SNAPC5: variants seen among roughly 807,000 people sequenced by gnomAD.
The protein encoded by SNAPC5 is small nuclear RNA activating complex polypeptide 5.
SNAPC5 carries 12 observed loss-of-function variants against 9.1 expected under a neutral mutation model. The ratio of observed to expected loss-of-function variants is 1.32; its 90% CI spans 0.85 to 2.15. The LOEUF is 2.15. SNAPC5 is among the 30% of genes most tolerant of loss of function. The pLI, the probability that SNAPC5 is intolerant of heterozygous loss-of-function variation, is 0.00. For synonymous variants in SNAPC5, 52 were observed against 47.3 expected, an observed-to-expected ratio of 1.10 and a Z score of -0.41; for missense variants, 132 against 114.4, an observed-to-expected ratio of 1.15 and a Z score of -0.70.
downstream of SNAPC5, among the ~76,000 whole-genome samples, chr15:66,492,536 CTG>C (rs756825450): frequency 4.3e-4 from 41 of 95,234 alleles, no homozygotes; most frequent in Admixed American, 1.9e-3. Flanking sequence ...AACATTTACA[CTG>C]TGTGTCTTTT....
At chr15:66,492,689 AT>A (rs879621929), downstream of SNAPC5, among the ~76,000 whole-genome samples, 630 of 147,526 alleles carry the variant, frequency 4.3e-3, 3 homozygotes, top group African/African-American at 0.013. Context: ...GGGTGTTTAG[AT>A]TTTTTTTTTT....
intron 1 of SNAPC5, among the ~76,000 whole-genome samples, chr15:66,497,190 G>A (rs1008473837): frequency 6.6e-6 from 1 of 152,158 alleles, no homozygotes; most frequent in African/African-American, 2.4e-5. Context: ...TTGGTAGCAT[G>A]GGAGGATCTA....
chr15:66,495,867 A>C (rs1893413281), intron 1 of SNAPC5, among the ~76,000 whole-genome samples: 1 of 152,378 alleles, frequency 6.6e-6, no homozygotes, highest in South Asian at 2.1e-4. Context: ...CAATACACTC[A>C]TTAAGTACTT....
chr15:66,496,733 G>A (rs889885472), intron 1 of SNAPC5, among the ~76,000 whole-genome samples: 10 of 152,078 alleles, frequency 6.6e-5, no homozygotes, highest in African/African-American at 2.2e-4. Flanking sequence ...GCTCACGCCT[G>A]TAATCTCAGC....
chr15:66,497,684 C>T lies in SNAPC5; in HGVS notation c.48G>A (p.Leu16=), dbSNP rs1567032368. The change falls in exon 1 of 3, where the codon CTG becomes CTA. Residue 16 remains leucine (L), a synonymous_variant. Coordinates refer to ENST00000316634, the MANE Select transcript of SNAPC5 (RefSeq NM_001329615.2). ...GGTCGTGCAGGGCTGCCTTCAACCG[C>T]AGCAGCGTCTCCTCCTCCTTGCGCA... is the stretch of plus-strand genomic sequence containing the variant. The part of the protein sequence containing the change: ...QELRKEEETL[L]RLKAALHDQL... The T allele has an allele frequency of 3.7e-6, 6 of 1,613,958 alleles. No individual in the cohort carries two copies. The highest frequency in any genetic ancestry group is 1.7e-4 in the Middle Eastern group (1 of 5,886).
downstream of SNAPC5, chr15:66,489,999 G>A (rs945416109): frequency 5.8e-5 from 35 of 599,402 alleles, no homozygotes; most frequent in Non-Finnish European, 8.9e-5. Flanking sequence ...GCCTGAGGGG[G>A]CCATGGGAAA....
At chr15:66,491,205 G>C (rs568999981), downstream of SNAPC5, 6 of 258,920 alleles carry the variant, frequency 2.3e-5, no homozygotes, top group Middle Eastern at 1.2e-3. Flanking sequence ...ATGATAGCTG[G>C]GGCTTCACCA....
chr15:66,492,851 TGTGA>T (rs978821759), downstream of SNAPC5, among the ~76,000 whole-genome samples: 27 of 152,206 alleles, frequency 1.8e-4, no homozygotes, highest in African/African-American at 5.8e-4. Context: ...CTAGAGCAGA[TGTGA>T]GTATCTTCAC....
chr15:66,489,877 G>T, downstream of SNAPC5: 8 of 916,926 alleles, frequency 8.7e-6, no homozygotes, highest in South Asian at 1.0e-4. Flanking sequence ...CTGTGGTCCA[G>T]CTGAGCCTGG....
intron 1 of SNAPC5, 44 bp downstream of exon 1, chr15:66,497,598 C>T (rs370480580): frequency 6.4e-7 from 1 of 1,568,058 alleles, no homozygotes; most frequent in Admixed American, 1.7e-5. Flanking sequence ...GAAATGGTCG[C>T]TCGGGAGGAA....
chr15:66,491,305 T>TTTAAGTTTTGA (rs1893249689), downstream of SNAPC5: 1 of 234,292 alleles, frequency 4.3e-6, no homozygotes, highest in South Asian at 1.8e-4. Flanking sequence ...GGTATGTCTC[T>TTTAAGTTTTGA]TTAAGTTTTG....
chr15:66,490,050 C>T (rs960951416), downstream of SNAPC5: 15 of 562,580 alleles, frequency 2.7e-5, no homozygotes, highest in East Asian at 4.6e-4. Context: ...TGCGGCCTTT[C>T]CCTAATACTG....
downstream of SNAPC5, chr15:66,490,219 C>T (rs560081649): frequency 7.0e-6 from 4 of 572,670 alleles, no homozygotes; most frequent in East Asian, 9.6e-5. Flanking sequence ...TTTTCTTTGT[C>T]CCTTCTAACA....
In SNAPC5 at chr15:66,497,589, A is replaced by T. The variant is rs1291873377; in HGVS notation, c.90+53T>A. On this transcript the variant is annotated intron_variant, in intron 1 of 2. Transcript: ENST00000316634. ...CACCACAGAGGCCCAGGTTGGGGGG[A>T]AATGGTCGCTCGGGAGGAATGGAGG... 5.3e-6 allele frequency: 8 copies of T among 1,523,226 alleles called. No homozygotes were observed. The South Asian group carries it at 9.0e-5, about 17-fold the overall frequency. 94.4% of individuals were successfully genotyped at this position (1,523,226 alleles called of 1,614,324 possible).
At chr15:66,494,654 T>G (rs1828720182) in intron 2 of SNAPC5, 102 bp from the exon 3 acceptor site, 3 of 790,236 alleles carry the variant, frequency 3.8e-6, no homozygotes, top group Non-Finnish European at 6.4e-6. Flanking sequence ...TGCATATCTA[T>G]CCCCAGTACT....
At chr15:66,495,555 A>T in intron 1 of SNAPC5, 136 bp from the exon 2 acceptor site, 2 of 630,672 alleles carry the variant, frequency 3.2e-6, no homozygotes, top group South Asian at 1.8e-5. Flanking sequence ...TCTAGAGGGA[A>T]AGTTGAGGGG....
At chr15:66,490,052 C>G, downstream of SNAPC5, 1 of 559,466 alleles carries the variant, frequency 1.8e-6, no homozygotes, top group Non-Finnish European at 3.2e-6. Context: ...CGGCCTTTCC[C>G]TAATACTGAC....
chr15:66,492,118 G>A (rs1256719592), downstream of SNAPC5: 2 of 453,002 alleles, frequency 4.4e-6, no homozygotes, highest in East Asian at 7.0e-5. Context: ...AAGGAGGAAT[G>A]TGCCTGGCGC....
intron 2 of SNAPC5, 88 bp downstream of exon 2, chr15:66,495,242 G>C (rs1177239185): frequency 2.3e-6 from 2 of 859,966 alleles, no homozygotes; most frequent in Admixed American, 1.7e-5. Flanking sequence ...TAGGTAATGT[G>C]ATTTACAACA....
Sources: allele counts gnomAD v4.1 joint callset (sites outside exome capture counted in the v4.1 genomes callset), GRCh38; gene constraint gnomAD v4.1.1; transcripts MANE v1.5; gene names NCBI Gene and HGNC (gene_info 2026-07-23, HGNC 2026-07-21).